The following RBPJ variants were observed in gnomAD, a reference collection of about 807,000 sequenced individuals.
The protein encoded by RBPJ is recombining binding protein suppressor of hairless.
A neutral mutation model predicts 67.8 loss-of-function variants in RBPJ; 9 were observed. The observed-to-expected ratio is 0.13, with a 90% CI of 0.08 to 0.23. RBPJ has a LOEUF of 0.23. Ranked by LOEUF, RBPJ falls within the 10% of genes least tolerant of loss-of-function variation. The pLI, the probability that RBPJ is intolerant of heterozygous loss-of-function variation, is 1.00. For missense variants in RBPJ, 305 were observed against 595.6 expected (o/e 0.51, Z 5.08); for synonymous variants, 198 against 203.3 (o/e 0.97, Z 0.22).
At chr4:26,261,112 C>T (rs563422296) in intron 1 of RBPJ, among the ~76,000 whole-genome samples, 15 of 152,152 alleles carry the variant, frequency 9.9e-5, no homozygotes, top group Middle Eastern at 3.4e-3. Flanking sequence ...TTAAAATACA[C>T]GGTTTGGGAA....
At chr4:26,222,558 A>ATT (rs1252836737) in intron 1 of RBPJ, among the ~76,000 whole-genome samples, 1 of 147,970 alleles carries the variant, frequency 6.8e-6, no homozygotes, top group Non-Finnish European at 1.5e-5. Flanking sequence ...TCCTGATTTG[A>ATT]TTTTTATACA....
intron 2 of RBPJ, among the ~76,000 whole-genome samples, chr4:26,399,017 TTTTTG>T: frequency 6.6e-6 from 1 of 152,356 alleles, no homozygotes; most frequent in African/African-American, 2.4e-5. Flanking sequence ...TTCTTGGCTT[TTTTTG>T]TTTTAACAAA....
At chr4:26,251,104 G>A (rs928718885) in intron 1 of RBPJ, among the ~76,000 whole-genome samples, 6 of 152,120 alleles carry the variant, frequency 3.9e-5, no homozygotes, top group African/African-American at 9.7e-5. Context: ...TGTCTGGATC[G>A]TCTACATGAC....
chr4:26,406,297 T>C, intron 3 of RBPJ, 27 bp downstream of exon 3: 1 of 1,415,044 alleles, frequency 7.1e-7, no homozygotes, highest in South Asian at 1.2e-5. Flanking sequence ...GGTGGATAGT[T>C]AATTGTAGTT....
At chr4:26,321,181 C>A (rs1004973215) in intron 1 of RBPJ, 133 bp downstream of exon 1, 1 of 282,544 alleles carries the variant, frequency 3.5e-6, no homozygotes, top group Non-Finnish European at 5.7e-6. Flanking sequence ...TCGCGTGCGC[C>A]GAGCGCGGCG....
At chr4:26,281,706 AG>A (rs1415382555) in intron 1 of RBPJ, among the ~76,000 whole-genome samples, 2 of 152,222 alleles carry the variant, frequency 1.3e-5, no homozygotes, top group African/African-American at 4.8e-5. Context: ...ATATAAGCAA[AG>A]CAAGCTGTGT....
At chr4:26,206,908 G>A (rs1718189313) in intron 1 of RBPJ, among the ~76,000 whole-genome samples, 1 of 151,944 alleles carries the variant, frequency 6.6e-6, no homozygotes, top group Non-Finnish European at 1.5e-5. Context: ...CTAAGTAAAG[G>A]TCCCCTCAAA....
In RBPJ at chr4:26,381,039, TAGC is replaced by T. The variant is rs796609082; in HGVS notation, c.21-5311_21-5309del. Among the ~76,000 whole-genome samples, 493 of 149,124 alleles carry T rather than the reference TAGC, an allele frequency of 3.3e-3. 4 individuals are homozygous for T. The highest frequency in any genetic ancestry group is 0.012 in the African/African-American group (470 of 40,196). ...TTGCTTTTTGGTTTTTTTTTTTTGG[TAGC>T]AGTGTAATTACTATATTTTTCTGTA... On this transcript the variant is annotated intron_variant, in intron 1 of 10. Coordinates refer to ENST00000355476, the MANE Select transcript of RBPJ (RefSeq NM_015874.6).
chr4:26,274,048 C>T (rs929535170), intron 1 of RBPJ, among the ~76,000 whole-genome samples: 1 of 152,170 alleles, frequency 6.6e-6, no homozygotes, highest in Non-Finnish European at 1.5e-5. Context: ...CAGGTGTGGC[C>T]TCAACCCCAG....
chr4:26,385,687 A>T (rs1192399849), intron 1 of RBPJ, among the ~76,000 whole-genome samples: 1 of 152,190 alleles, frequency 6.6e-6, no homozygotes, highest in Admixed American at 6.5e-5. Flanking sequence ...ATGCTTAATT[A>T]CTTTGTGACA....
chr4:26,214,141 G>C (rs1718530814), intron 1 of RBPJ, among the ~76,000 whole-genome samples: 1 of 149,562 alleles, frequency 6.7e-6, no homozygotes, highest in Non-Finnish European at 1.5e-5. Context: ...ATGGAAGGAA[G>C]GAAGGGAGGG....
chr4:26,404,294 G>C (rs1157997087), intron 2 of RBPJ, among the ~76,000 whole-genome samples: 1 of 151,958 alleles, frequency 6.6e-6, no homozygotes, highest in Non-Finnish European at 1.5e-5. Flanking sequence ...TTTATCAGAT[G>C]CACAGTTTGC....
chr4:26,430,009 G>A lies in RBPJ; in HGVS notation c.1000G>A (p.Val334Ile). 1 of 1,614,130 alleles carries A rather than the reference G, an allele frequency of 6.2e-7. No individual in the cohort carries two copies. Among genetic ancestry groups the A allele is most frequent in the East Asian group, 2.2e-5 (1 of 44,870 alleles). The change falls in exon 9 of 11, where the codon GTC becomes ATC. Residue 334 changes from valine (V) to isoleucine (I), a missense_variant. Transcript: ENST00000355476. The surrounding 1 kb of genome is among the most constrained non-coding windows in gnomAD (Gnocchi z 4.1). ...EYTFYEGMGP[V>I]LAPVTPVPVV... ...TACATTTTATGAGGGAATGGGCCCT[G>A]TCCTTGCCCCAGTCACTCCTGTGCC...
At chr4:26,201,102 G>A (rs536001667) in intron 1 of RBPJ, among the ~76,000 whole-genome samples, 4 of 152,246 alleles carry the variant, frequency 2.6e-5, no homozygotes, top group South Asian at 2.1e-4. Context: ...CCCAAAAAAG[G>A]TTTGGAAATT....
chr4:26,409,429 A>T (rs951886364), intron 3 of RBPJ, among the ~76,000 whole-genome samples: 1 of 152,196 alleles, frequency 6.6e-6, no homozygotes, highest in South Asian at 2.1e-4. Context: ...TCCAACATAT[A>T]TAGAGAGCTG....
At chr4:26,329,690 C>T (rs1453872956) in intron 1 of RBPJ, among the ~76,000 whole-genome samples, 1 of 151,984 alleles carries the variant, frequency 6.6e-6, no homozygotes, top group Non-Finnish European at 1.5e-5. Flanking sequence ...GTCAGGAAAT[C>T]GAGACCATCC....
At chr4:26,109,579 C>CTATA in the RBPJ span, among the ~76,000 whole-genome samples, 7 of 29,390 alleles carry the variant, frequency 2.4e-4, no homozygotes, top group African/African-American at 4.2e-4. Context: ...CTCTCTCTCT[C>CTATA]TATATATATA....
chr4:26,402,714 T>C (rs1001968207), intron 2 of RBPJ, among the ~76,000 whole-genome samples: 6 of 152,248 alleles, frequency 3.9e-5, no homozygotes, highest in African/African-American at 1.4e-4. Context: ...CATTTTCTTC[T>C]TGACTCTCCT....
intron 1 of RBPJ, among the ~76,000 whole-genome samples, chr4:26,328,114 T>A (rs1465035710): frequency 6.9e-6 from 1 of 145,490 alleles, no homozygotes; most frequent in African/African-American, 2.6e-5. Flanking sequence ...TTTCACATCT[T>A]TTTTTTTTTT....
Sources: gnomAD v4.1 joint callset for allele counts (sites outside exome capture counted in the v4.1 genomes callset) on GRCh38, gnomAD v4.1.1 for gene constraint, Gnocchi (gnomAD v3.1) non-coding constraint, MANE v1.5 for transcripts, NCBI Gene and HGNC (gene_info 2026-07-23, HGNC 2026-07-21) for gene names.